The following RALYL variants were observed in gnomAD, a reference collection of about 807,000 sequenced individuals.
The protein encoded by RALYL is RNA-binding Raly-like protein.
In RALYL, 29 loss-of-function variants were observed where a neutral mutation model predicts 35.1. The observed-to-expected ratio is 0.83, with a 90% CI of 0.61 to 1.13. The LOEUF (loss-of-function observed/expected upper bound fraction) is 1.13. Ranked by LOEUF, RALYL falls within the 50% of genes most tolerant of loss-of-function variation. The probability of loss-of-function intolerance (pLI) is 0.00; values close to 1 mark genes in which losing one functional copy is unlikely to be tolerated. For missense variants in RALYL, 359 were observed against 360.4 expected (o/e 1.00, Z 0.03); for synonymous variants, 120 against 127.6 (o/e 0.94, Z 0.40).
At chr8:84,420,116 G>A (rs879637068) in intron 1 of RALYL, among the ~76,000 whole-genome samples, 5,715 of 151,068 alleles carry the variant, frequency 0.038, 139 homozygotes, top group Middle Eastern at 0.054. Flanking sequence ...CTGAGGAATC[G>A]CCACACTGAC....
chr8:84,291,731 A>T (rs572169366), intron 1 of RALYL, among the ~76,000 whole-genome samples: 6 of 151,950 alleles, frequency 3.9e-5, no homozygotes, highest in Non-Finnish European at 8.8e-5. Flanking sequence ...TGTATTTTTT[A>T]AAAAAGACTG....
chr8:84,734,548 G>A (rs979518161), intron 2 of RALYL, among the ~76,000 whole-genome samples: 1 of 152,056 alleles, frequency 6.6e-6, no homozygotes, highest in Non-Finnish European at 1.5e-5. Context: ...TCAGTATAGA[G>A]AAACAGAATT....
chr8:84,655,763 C>A (rs1829847450), intron 2 of RALYL, among the ~76,000 whole-genome samples: 1 of 151,962 alleles, frequency 6.6e-6, no homozygotes, highest in African/African-American at 2.4e-5. Flanking sequence ...ACCACAGTGT[C>A]TGCCATACTG....
chr8:84,884,160 C>A (rs890055341), intron 7 of RALYL, among the ~76,000 whole-genome samples: 1 of 152,028 alleles, frequency 6.6e-6, no homozygotes, highest in Non-Finnish European at 1.5e-5. Flanking sequence ...TAAAGATCGA[C>A]CTCTGTATCA....
chr8:84,549,041 C>T (rs1227872196), intron 2 of RALYL, among the ~76,000 whole-genome samples: 1 of 152,148 alleles, frequency 6.6e-6, no homozygotes, highest in Non-Finnish European at 1.5e-5. Context: ...TCTACTACAT[C>T]CAAAGGGAGT....
At chr8:84,529,085 T>C (rs1335052236) in intron 1 of RALYL, among the ~76,000 whole-genome samples, 5 of 152,148 alleles carry the variant, frequency 3.3e-5, no homozygotes, top group African/African-American at 1.2e-4. Flanking sequence ...GAATGTTAAG[T>C]GATTATGTTT....
chr8:84,598,206 A>T (rs1815047431), intron 2 of RALYL, among the ~76,000 whole-genome samples: 2 of 152,026 alleles, frequency 1.3e-5, no homozygotes, highest in African/African-American at 4.8e-5. Context: ...TTGCTCTCTC[A>T]CCCAACCTGG....
intron 1 of RALYL, among the ~76,000 whole-genome samples, chr8:84,464,744 T>G (rs1416610298): frequency 6.6e-6 from 1 of 151,786 alleles, no homozygotes; most frequent in African/African-American, 2.4e-5. Context: ...TGAACTAGTT[T>G]ACAGTCCCAC....
chr8:84,677,831 A>G (rs1834529239), intron 2 of RALYL, among the ~76,000 whole-genome samples: 2 of 152,198 alleles, frequency 1.3e-5, no homozygotes, highest in South Asian at 4.1e-4. Context: ...ATGTACTTCT[A>G]GTCTAAATTA....
Position 84,796,449 on chromosome 8 carries a change from T to A in RALYL, c.333-8321T>A, listed in dbSNP as rs535346420. On this transcript the variant is annotated intron_variant, in intron 3 of 8. Coordinates refer to ENST00000521268, the MANE Select transcript of RALYL (RefSeq NM_173848.7). ...CCTTTCCCTATTACATAAAGAAGAC[T>A]CTTTCTTTATTAAATCTTTAGGCAA... 2.0e-5 allele frequency among the ~76,000 whole-genome samples: 3 copies of A among 151,840 alleles called. No individual in the cohort carries two copies. In the South Asian group the frequency reaches 6.2e-4, roughly 31 times the overall value.
chr8:84,543,551 C>A (rs1364300389), intron 2 of RALYL, among the ~76,000 whole-genome samples: 1 of 151,730 alleles, frequency 6.6e-6, no homozygotes, highest in Non-Finnish European at 1.5e-5. Flanking sequence ...TTTCTAAAGA[C>A]TAAAAATGAG....
chr8:84,695,703 C>G (rs892799562), intron 2 of RALYL, among the ~76,000 whole-genome samples: 14 of 151,746 alleles, frequency 9.2e-5, no homozygotes, highest in Non-Finnish European at 1.6e-4. Flanking sequence ...TGTTCTTAAT[C>G]TGAGTAATGA....
At chr8:84,275,821 T>C (rs1302097267) in intron 1 of RALYL, among the ~76,000 whole-genome samples, 2 of 152,150 alleles carry the variant, frequency 1.3e-5, no homozygotes, top group African/African-American at 4.8e-5. Flanking sequence ...CTAGTCAGTA[T>C]TTAAAATTTT....
rs574992164 is a variant in RALYL, at chr8:84,515,611, A to G, written c.-23-13688A>G. Among the ~76,000 whole-genome samples, 7 of 152,262 alleles carry G rather than the reference A, an allele frequency of 4.6e-5. No homozygotes were observed. In the South Asian group the frequency reaches 1.5e-3, roughly 32 times the overall value. On this transcript the variant is annotated intron_variant, in intron 1 of 8. Transcript: ENST00000521268. ...AATATCTTCTAGATGGTGTCTTTCA[A>G]TCCATTTAATTTACATAGTCTCTTC...
intron 1 of RALYL, among the ~76,000 whole-genome samples, chr8:84,511,918 A>G (rs917497439): frequency 1.5e-4 from 23 of 152,264 alleles, no homozygotes; most frequent in Middle Eastern, 3.4e-3. Context: ...TATGTACACC[A>G]CATTTCCTTT....
intron 2 of RALYL, among the ~76,000 whole-genome samples, chr8:84,736,354 T>C (rs76212456): frequency 0.014 from 2,195 of 152,186 alleles, 53 homozygotes; most frequent in African/African-American, 0.05. Context: ...CTCTTTCTAG[T>C]AAGTATAATT....
chr8:84,264,449 G>GTTT (rs373596991), intron 1 of RALYL, among the ~76,000 whole-genome samples: 3 of 121,270 alleles, frequency 2.5e-5, no homozygotes, highest in African/African-American at 6.1e-5. Context: ...CTTTTTAATG[G>GTTT]TTTTTTTTTT....
chr8:84,267,629 A>G (rs1256771367), intron 1 of RALYL, among the ~76,000 whole-genome samples: 2 of 152,188 alleles, frequency 1.3e-5, no homozygotes, highest in African/African-American at 4.8e-5. Flanking sequence ...CCTGCCTGGA[A>G]TACCATTTAA....
At chr8:84,313,252 T>C (rs111729696) in intron 1 of RALYL, among the ~76,000 whole-genome samples, 7,213 of 152,224 alleles carry the variant, frequency 0.047, 266 homozygotes, top group African/African-American at 0.083. Context: ...AACCATTTTT[T>C]CCTCCTAGGC....
Sources: allele counts gnomAD v4.1 joint callset (sites outside exome capture counted in the v4.1 genomes callset), GRCh38; gene constraint gnomAD v4.1.1; transcripts MANE v1.5; gene names NCBI Gene and HGNC (gene_info 2026-07-23, HGNC 2026-07-21).